PKP4: variants seen among roughly 807,000 people sequenced by gnomAD.
PKP4 encodes plakophilin-4.
In PKP4, 90 loss-of-function variants were observed where a neutral mutation model predicts 145.1. The ratio of observed to expected loss-of-function variants is 0.62; its 90% CI spans 0.52 to 0.74. The LOEUF (loss-of-function observed/expected upper bound fraction) is 0.74, where lower values mean the gene tolerates loss of function less well. Ranked by LOEUF, PKP4 falls within the 30% of genes least tolerant of loss-of-function variation. PKP4 has a pLI of 0.00. For missense variants in PKP4, 1,340 were observed against 1,482.7 expected, an observed-to-expected ratio of 0.90 and a Z score of 1.58; for synonymous variants, 563 against 577.2, an observed-to-expected ratio of 0.98 and a Z score of 0.35.
At chr2:158,596,869 A>G (rs963283069) in intron 3 of PKP4, among the ~76,000 whole-genome samples, 1 of 152,198 alleles carries the variant, frequency 6.6e-6, no homozygotes, top group Admixed American at 6.5e-5. Context: ...GTCAAGGTGC[A>G]GTCTAGACTA....
intron 11 of PKP4, among the ~76,000 whole-genome samples, chr2:158,649,760 G>A (rs2055178152): frequency 6.6e-6 from 1 of 152,178 alleles, no homozygotes. Flanking sequence ...GCAAAAGAGA[G>A]GCCCTGTAAT....
At chr2:158,467,724 G>A (rs1460831212) in intron 1 of PKP4, among the ~76,000 whole-genome samples, 1 of 152,144 alleles carries the variant, frequency 6.6e-6, no homozygotes, top group Non-Finnish European at 1.5e-5. Context: ...GCATGTGCCT[G>A]TAGTCTCAGG....
chr2:158,626,974 G>A (rs2052859919), intron 7 of PKP4, among the ~76,000 whole-genome samples: 1 of 151,964 alleles, frequency 6.6e-6, no homozygotes, highest in Non-Finnish European at 1.5e-5. Flanking sequence ...TTCTTACATA[G>A]TAAAATTAGT....
In PKP4 at chr2:158,673,749, C is replaced by T. The variant is rs757523978; in HGVS notation, c.2997C>T (p.Ser999=). The change falls in exon 18 of 22, where the codon AGC becomes AGT. Residue 999 remains serine (S), a synonymous_variant. Transcript: ENST00000389759. ...TATGGCAATATCGGGACCTCCGGAGCATTTATAAAAAGGTAACCTACAAGA... is the reference window on the plus strand; with the variant it reads ...TATGGCAATATCGGGACCTCCGGAGTATTTATAAAAAGGTAACCTACAAGA... The part of the protein sequence containing the change: ...NTLWQYRDLR[S]IYKKDGWNQN... The T allele has an allele frequency of 1.2e-6, 2 of 1,610,768 alleles. No homozygotes were observed. The highest frequency in any genetic ancestry group is 2.2e-5 in the South Asian group (2 of 91,008).
chr2:158,480,645 A>C (rs946010698), intron 1 of PKP4, among the ~76,000 whole-genome samples: 2 of 152,076 alleles, frequency 1.3e-5, no homozygotes, highest in African/African-American at 2.4e-5. Flanking sequence ...GAGATATTTA[A>C]TGAAAAATTA....
intron 1 of PKP4, among the ~76,000 whole-genome samples, chr2:158,463,574 G>C (rs1453964698): frequency 1.3e-5 from 2 of 152,174 alleles, no homozygotes; most frequent in African/African-American, 4.8e-5. Context: ...TTGCCACTAT[G>C]CAGGTGTGTG....
intron 19 of PKP4, among the ~76,000 whole-genome samples, chr2:158,674,576 G>T (rs906529045): frequency 1.3e-5 from 2 of 152,116 alleles, no homozygotes; most frequent in Admixed American, 6.5e-5. Flanking sequence ...TACAGTGTGG[G>T]TCTGTAGGAA....
intron 13 of PKP4, 126 bp from the exon 14 acceptor site, chr2:158,662,771 G>A: frequency 2.9e-6 from 2 of 683,928 alleles, no homozygotes; most frequent in Non-Finnish European, 4.7e-6. Flanking sequence ...ATTGTTTCAA[G>A]TTCTCATAAA....
intron 2 of PKP4, among the ~76,000 whole-genome samples, chr2:158,550,054 C>G (rs886684882): frequency 9.6e-6 from 1 of 103,798 alleles, no homozygotes; most frequent in African/African-American, 2.7e-5. Flanking sequence ...AAATCTCACT[C>G]TCCTGAGGCT....
intron 1 of PKP4, among the ~76,000 whole-genome samples, chr2:158,483,380 A>ATTTT (rs1559204885): frequency 1.2e-4 from 18 of 147,940 alleles, no homozygotes; most frequent in African/African-American, 4.4e-4. Context: ...TTTTTTTTTA[A>ATTTT]ATCATTTTGT....
At chr2:158,606,939 G>T (rs992246367) in intron 4 of PKP4, among the ~76,000 whole-genome samples, 1 of 151,938 alleles carries the variant, frequency 6.6e-6, no homozygotes, top group Non-Finnish European at 1.5e-5. Context: ...AAGTATATAC[G>T]TATTTACCCA....
chr2:158,529,925 A>G (rs754490305), intron 1 of PKP4, among the ~76,000 whole-genome samples: 13 of 152,124 alleles, frequency 8.5e-5, no homozygotes, highest in Non-Finnish European at 1.3e-4. Context: ...CATGGCTAAA[A>G]CATTTGGTAG....
At chr2:158,590,758 C>T (rs2049203411) in intron 3 of PKP4, among the ~76,000 whole-genome samples, 1 of 152,060 alleles carries the variant, frequency 6.6e-6, no homozygotes, top group Admixed American at 6.6e-5. Context: ...CTTGGTAGAA[C>T]TTCGCAACCA....
In PKP4 at chr2:158,639,895, G is replaced by A. The variant is rs533091231; in HGVS notation, c.1563-732G>A. Among the ~76,000 whole-genome samples the A allele has an allele frequency of 4.6e-5, 7 of 152,250 alleles. No individual in the cohort carries two copies. The East Asian group carries it at 9.6e-4, about 21-fold the overall frequency. On this transcript the variant is annotated intron_variant, in intron 9 of 21. Transcript: ENST00000389759. ...CAACTTCCGTTTCTCTAAGGTTGCC[G>A]TAAGAATAAATTAATAAATATATAT...
At chr2:158,521,875 C>G (rs550845071) in intron 1 of PKP4, among the ~76,000 whole-genome samples, 1 of 152,164 alleles carries the variant, frequency 6.6e-6, no homozygotes, top group Non-Finnish European at 1.5e-5. Flanking sequence ...TTTTGTTCAT[C>G]TAATGCTTAT....
chr2:158,610,930 TG>T (rs1405451398), intron 4 of PKP4, among the ~76,000 whole-genome samples: 1 of 152,172 alleles, frequency 6.6e-6, no homozygotes, highest in Non-Finnish European at 1.5e-5. Flanking sequence ...TTTTTAACAC[TG>T]CTGTGTTCCT....
At chr2:158,458,330 C>T (rs1370508646) in intron 1 of PKP4, 1 of 152,424 alleles carries the variant, frequency 6.6e-6, no homozygotes, top group Non-Finnish European at 1.5e-5. Flanking sequence ...CCACTCCTCT[C>T]CTCCCATAGC....
intron 1 of PKP4, among the ~76,000 whole-genome samples, chr2:158,488,238 A>G (rs1049455074): frequency 6.6e-6 from 1 of 152,186 alleles, no homozygotes; most frequent in Non-Finnish European, 1.5e-5. Context: ...TGAAAGTTTA[A>G]CCAGTATTTG....
At chr2:158,593,743 G>A (rs1036851433) in intron 3 of PKP4, among the ~76,000 whole-genome samples, 1 of 152,128 alleles carries the variant, frequency 6.6e-6, no homozygotes, top group African/African-American at 2.4e-5. Context: ...TCCCTGGAAT[G>A]CGTTTTAGAC....
Sources: allele counts gnomAD v4.1 joint callset (sites outside exome capture counted in the v4.1 genomes callset), GRCh38; gene constraint gnomAD v4.1.1; transcripts MANE v1.5; gene names NCBI Gene and HGNC (gene_info 2026-07-23, HGNC 2026-07-21).